MRAP2: variants seen among roughly 807,000 people sequenced by gnomAD.
MRAP2 encodes the protein melanocortin-2 receptor accessory protein 2.
MRAP2 carries 20 observed loss-of-function variants against 17.4 expected under a neutral mutation model. The ratio of observed to expected loss-of-function variants is 1.15; its 90% CI spans 0.81 to 1.67. MRAP2 has a LOEUF of 1.67. MRAP2 is among the 40% of genes most tolerant of loss of function. The pLI, the probability that MRAP2 is intolerant of heterozygous loss-of-function variation, is 0.00. For synonymous variants in MRAP2, 96 were observed against 88.4 expected, an observed-to-expected ratio of 1.09 and a Z score of -0.48; for missense variants, 238 against 240.0, an observed-to-expected ratio of 0.99 and a Z score of 0.05.
intron 3 of MRAP2, among the ~76,000 whole-genome samples, chr6:84,075,052 C>T (rs1037443259): frequency 6.6e-6 from 1 of 152,322 alleles, no homozygotes; most frequent in Admixed American, 6.5e-5. Context: ...CTTGCTTAAA[C>T]TCCATGTCTG....
chr6:84,105,502 A>C, the MRAP2 span, among the ~76,000 whole-genome samples: 1 of 152,170 alleles, frequency 6.6e-6, no homozygotes, highest in Non-Finnish European at 1.5e-5. Context: ...AGCATGGGAA[A>C]GACTTGCCCC....
chr6:84,073,292 C>T (rs2099496697), intron 3 of MRAP2, among the ~76,000 whole-genome samples: 1 of 152,298 alleles, frequency 6.6e-6, no homozygotes, highest in East Asian at 1.9e-4. Context: ...TTTCACTCGG[C>T]TCTCTAAATT....
the MRAP2 span, among the ~76,000 whole-genome samples, chr6:84,132,963 GCT>G: frequency 4.6e-3 from 694 of 152,144 alleles, 8 homozygotes; most frequent in African/African-American, 0.016. Flanking sequence ...CAGCTTTTCT[GCT>G]CTGTTTTCTC....
chr6:84,107,176 C>A, the MRAP2 span, among the ~76,000 whole-genome samples: 1 of 152,120 alleles, frequency 6.6e-6, no homozygotes, highest in Non-Finnish European at 1.5e-5. Context: ...TCCTATTCTG[C>A]ACCCTACTCA....
chr6:84,142,215 TACCAGTAAAAAGTTTG>T, the MRAP2 span, among the ~76,000 whole-genome samples: 1 of 152,200 alleles, frequency 6.6e-6, no homozygotes. Flanking sequence ...TCCTCAGAAA[TACCAGTAAAAAGTTTG>T]GCCAGCTAAA....
chr6:84,102,779 A>C, the MRAP2 span, among the ~76,000 whole-genome samples: 1 of 151,780 alleles, frequency 6.6e-6, no homozygotes, highest in African/African-American at 2.4e-5. Flanking sequence ...TCGGTGATTA[A>C]GGCAAGGATT....
downstream of MRAP2, among the ~76,000 whole-genome samples, chr6:84,091,306 T>G (rs941799513): frequency 6.8e-6 from 1 of 146,728 alleles, no homozygotes; most frequent in Non-Finnish European, 1.5e-5. Context: ...GATGGCTCAC[T>G]GCAGCCTCCC....
At chr6:84,070,602 T>C (rs1290447324) in intron 3 of MRAP2, among the ~76,000 whole-genome samples, 2 of 152,262 alleles carry the variant, frequency 1.3e-5, no homozygotes, top group Non-Finnish European at 2.9e-5. Context: ...AATATATTTG[T>C]AAAGTCCATT....
chr6:84,051,214 A>C (rs1325324688), intron 1 of MRAP2, among the ~76,000 whole-genome samples: 1 of 152,226 alleles, frequency 6.6e-6, no homozygotes, highest in East Asian at 1.9e-4. Context: ...GTCTGAGTAC[A>C]TCTCCTCAAA....
intron 3 of MRAP2, among the ~76,000 whole-genome samples, chr6:84,086,075 C>A (rs1457126052): frequency 6.6e-6 from 1 of 152,108 alleles, no homozygotes; most frequent in Non-Finnish European, 1.5e-5. Flanking sequence ...CTTCTGGAGA[C>A]CATTTATGTC....
intron 1 of MRAP2, 131 bp from the exon 2 acceptor site, chr6:84,055,181 T>A (rs1365721318): frequency 2.1e-6 from 2 of 968,942 alleles, no homozygotes; most frequent in African/African-American, 3.3e-5. Flanking sequence ...GAACCTCTCC[T>A]GGCCTAGGAG....
the MRAP2 span, among the ~76,000 whole-genome samples, chr6:84,099,600 C>G: frequency 6.7e-4 from 102 of 152,140 alleles, 1 homozygote; most frequent in African/African-American, 2.1e-3. Context: ...TTTAAAGGAG[C>G]CTGGCACCTC....
chr6:84,067,240 G>A (rs1352750575), intron 3 of MRAP2, among the ~76,000 whole-genome samples: 1 of 152,102 alleles, frequency 6.6e-6, no homozygotes, highest in African/African-American at 2.4e-5. Context: ...GCTGAGTAGT[G>A]TCCCACCATA....
At chr6:84,126,349 T>C in the MRAP2 span, 33 of 1,532,090 alleles carry the variant, frequency 2.2e-5, 1 homozygote, top group Non-Finnish European at 2.8e-5. Flanking sequence ...TAAAGACCTA[T>C]ATAAATATGT....
the MRAP2 span, among the ~76,000 whole-genome samples, chr6:84,132,017 GCT>G: frequency 6.6e-6 from 1 of 152,178 alleles, no homozygotes; most frequent in African/African-American, 2.4e-5. Flanking sequence ...TCCTTCAGGA[GCT>G]CTTGTAAGGC....
chr6:84,086,413 G>GT (rs1407541582), intron 3 of MRAP2, among the ~76,000 whole-genome samples: 2 of 152,164 alleles, frequency 1.3e-5, no homozygotes, highest in South Asian at 4.1e-4. Flanking sequence ...ACATTTGTGA[G>GT]TGAGAATTCC....
intron 3 of MRAP2, among the ~76,000 whole-genome samples, chr6:84,078,161 C>T (rs1207565795): frequency 1.3e-5 from 2 of 152,094 alleles, no homozygotes; most frequent in Non-Finnish European, 2.9e-5. Context: ...ATTAAAACCC[C>T]TGCTCATCAA....
At chr6:84,038,328 A>T (rs1588617658) in intron 1 of MRAP2, among the ~76,000 whole-genome samples, 1 of 152,166 alleles carries the variant, frequency 6.6e-6, no homozygotes, top group African/African-American at 2.4e-5. Flanking sequence ...TGGATGGTGG[A>T]GAAATAGAAA....
rs1469059093 is a variant in MRAP2 at position 84,045,395 on chromosome 6, C to A, written c.-7-9917C>A. The A allele has an allele frequency of 6.1e-6, 6 of 985,218 alleles. No individual in the cohort carries two copies. The East Asian group carries it at 5.7e-4, about 93-fold the overall frequency. 61.0% of individuals were successfully genotyped at this position (985,218 alleles called of 1,614,324 possible). Reference sequence around the variant, plus strand: ...AGCCTGCCCCCAAGACCTCTGTGCTCTGGAGCCACCTCCACGAATGACCTG... The same window carrying A: ...AGCCTGCCCCCAAGACCTCTGTGCTATGGAGCCACCTCCACGAATGACCTG... On this transcript the variant is annotated intron_variant, in intron 1 of 3. Coordinates refer to ENST00000257776, the MANE Select transcript of MRAP2 (RefSeq NM_138409.4).
Sources: gnomAD v4.1 joint callset for allele counts (sites outside exome capture counted in the v4.1 genomes callset) on GRCh38, gnomAD v4.1.1 for gene constraint, MANE v1.5 for transcripts, NCBI Gene and HGNC (gene_info 2026-07-23, HGNC 2026-07-21) for gene names.